SYNE1: variants seen among roughly 807,000 people sequenced by gnomAD.
SYNE1 encodes the protein nesprin-1.
In SYNE1, 616 loss-of-function variants were observed where a neutral mutation model predicts 1,111.0. The observed-to-expected ratio is 0.55, with a 90% CI of 0.52 to 0.59. SYNE1 has a LOEUF of 0.59. Ranked by LOEUF, SYNE1 falls within the 20% of genes least tolerant of loss-of-function variation. The pLI is 0.00. For synonymous variants in SYNE1, 3,855 were observed against 3,825.8 expected (o/e 1.01, Z -0.28); for missense variants, 10,006 against 10,417.0 (o/e 0.96, Z 1.72).
intron 42 of SYNE1, among the ~76,000 whole-genome samples, chr6:152,410,589 G>T (rs2098014527): frequency 6.6e-6 from 1 of 152,140 alleles, no homozygotes; most frequent in South Asian, 2.1e-4. Flanking sequence ...GCAAAAATCA[G>T]CCTGGCTTGG....
At chr6:152,257,474 T>A (rs1162654014) in intron 101 of SYNE1, among the ~76,000 whole-genome samples, 1 of 152,154 alleles carries the variant, frequency 6.6e-6, no homozygotes, top group Non-Finnish European at 1.5e-5. Context: ...GAAATTGCAG[T>A]GAGCTGAGAT....
At chr6:152,314,576 CTAAA>C (rs2095650499) in intron 87 of SYNE1, among the ~76,000 whole-genome samples, 1 of 152,134 alleles carries the variant, frequency 6.6e-6, no homozygotes, top group Non-Finnish European at 1.5e-5. Flanking sequence ...GTCCCCTCCC[CTAAA>C]TAATCAACTC....
chr6:152,517,976 C>A (rs902058054), intron 6 of SYNE1, among the ~76,000 whole-genome samples: 1 of 151,534 alleles, frequency 6.6e-6, no homozygotes, highest in Admixed American at 6.6e-5. Context: ...CAAATAAAAT[C>A]GACCAGGATG....
At chr6:152,181,652 T>C (rs2068119663) in intron 128 of SYNE1, among the ~76,000 whole-genome samples, 2 of 152,366 alleles carry the variant, frequency 1.3e-5, no homozygotes, top group South Asian at 2.1e-4. Flanking sequence ...TCATTCCCTT[T>C]ATTGCTGACT....
chr6:152,298,523 A>T (rs1239208571), intron 93 of SYNE1, among the ~76,000 whole-genome samples: 4 of 152,176 alleles, frequency 2.6e-5, no homozygotes, highest in Non-Finnish European at 4.4e-5. Flanking sequence ...AGGTAGTTAT[A>T]TAACGGAGAT....
Position 152,242,266 on chromosome 6 carries a change from T to C in SYNE1, c.19867A>G (p.Ile6623Val), listed in dbSNP as rs368088542. Residue 6623 changes from isoleucine to valine, a missense_variant, in exon 107 of 146, where the codon ATC becomes GTC. Ile to Val is a conservative substitution (Grantham distance 29, BLOSUM62 3). Coordinates refer to ENST00000367255, the MANE Select transcript of SYNE1 (RefSeq NM_182961.4). ...TTATGTTTGTCAAGTAGTTGCTGGATTTCCTCTTTGGAAGACACGATGATT... is the reference window on the plus strand; with the variant it reads ...TTATGTTTGTCAAGTAGTTGCTGGACTTCCTCTTTGGAAGACACGATGATT... ...QKIIVSSKEE[I>V]QQLLDKHKEY... The C allele has an allele frequency of 1.7e-5, 28 of 1,614,140 alleles. No homozygotes were observed. Among genetic ancestry groups the C allele is most frequent in the Non-Finnish European group, 2.4e-5 (28 of 1,180,026 alleles).
chr6:152,279,022 A>G (rs1426513875), intron 97 of SYNE1, among the ~76,000 whole-genome samples: 3 of 151,756 alleles, frequency 2.0e-5, no homozygotes, highest in Non-Finnish European at 4.4e-5. Context: ...CTCCCACCTC[A>G]GCCTTCCAAA....
At chr6:152,277,963 G>T in intron 98 of SYNE1, 126 bp downstream of exon 98, 1 of 997,196 alleles carries the variant, frequency 1.0e-6, no homozygotes, top group Non-Finnish European at 1.6e-6. Flanking sequence ...TAAAATGTCA[G>T]CGTAAAGCAG....
At chr6:152,157,288 A>C (rs1314783855) in intron 131 of SYNE1, among the ~76,000 whole-genome samples, 1 of 152,200 alleles carries the variant, frequency 6.6e-6, no homozygotes, top group African/African-American at 2.4e-5. Context: ...CATGGATGGA[A>C]CCGGAGGTCA....
At chr6:152,232,971 C>T (rs2083129857) in intron 112 of SYNE1, among the ~76,000 whole-genome samples, 1 of 152,160 alleles carries the variant, frequency 6.6e-6, no homozygotes, top group Non-Finnish European at 1.5e-5. Context: ...TAGGCATGTA[C>T]ACAAAACACA....
chr6:152,148,047 G>A lies in SYNE1; in HGVS notation c.24974C>T (p.Ser8325Leu). 1 of 1,613,656 alleles carries A rather than the reference G, an allele frequency of 6.2e-7. No homozygotes were observed. The highest frequency in any genetic ancestry group is 1.1e-5 in the South Asian group (1 of 91,058). ...DFYLRGAVGL[S>L]GDHSALESQI... ...AAACTGGAGAGGCTCTTTCCTACCT[G>A]ATAAGCCAACAGCTCCCCGGAGGTA... The change falls in exon 137 of 146, where the codon TCA (serine) becomes TTA (leucine). Residue 8325 changes from serine (S) to leucine (L), a missense_variant and splice_region_variant. Physicochemically the swap from Ser to Leu is moderately radical, Grantham distance 145 (BLOSUM62 -2). Around this residue, in one of 7 missense-constraint regions of SYNE1, gnomAD observed 761 missense variants for 795.5 expected, o/e 0.96. Coordinates refer to ENST00000367255, the MANE Select transcript of SYNE1 (RefSeq NM_182961.4). This position sits in a 1 kb window ranked among gnomAD's most constrained non-coding sequence, Gnocchi z 4.1.
At chr6:152,440,565 A>G (rs1232173443) in intron 32 of SYNE1, among the ~76,000 whole-genome samples, 1 of 110,954 alleles carries the variant, frequency 9.0e-6, no homozygotes, top group Non-Finnish European at 1.7e-5. Flanking sequence ...TATTGCCTCC[A>G]GATTTTTTTT....
At chr6:152,470,071 G>A (rs539323747) in intron 16 of SYNE1, among the ~76,000 whole-genome samples, 5 of 152,324 alleles carry the variant, frequency 3.3e-5, no homozygotes, top group African/African-American at 4.8e-5. Context: ...AGCATGCTAC[G>A]TATGTAGGAT....
Position 152,416,705 on chromosome 6 carries a change from T to A in SYNE1, c.5732A>T (p.Asp1911Val). ...ESDLIEKDLNDALQNAKALES... is the reference protein window; with the variant it reads ...ESDLIEKDLNVALQNAKALES... ...TAATGCTTTAGCATTTTGAAGAGCA[T>A]CATTGAGGTCCTTTTCTATCAAATC... is the stretch of plus-strand genomic sequence containing the variant. Residue 1911 changes from aspartate (D) to valine (V), a missense_variant, in exon 41 of 146, where the codon GAT becomes GTT. By Grantham distance (152) the Asp-to-Val change is radical. Around this residue, in one of 7 missense-constraint regions of SYNE1, gnomAD observed 4,955 missense variants for 5,017.2 expected, o/e 0.99. Coordinates refer to ENST00000367255, the MANE Select transcript of SYNE1 (RefSeq NM_182961.4). The A allele has an allele frequency of 6.2e-7, 1 of 1,614,194 alleles. No individual in the cohort carries two copies. The highest frequency in any genetic ancestry group is 1.1e-5 in the South Asian group (1 of 91,086).
intron 141 of SYNE1, among the ~76,000 whole-genome samples, chr6:152,136,176 T>C (rs970530438): frequency 2.6e-5 from 4 of 152,214 alleles, no homozygotes; most frequent in Non-Finnish European, 5.9e-5. Context: ...GCAGAGGCCA[T>C]GCTGTATTCA....
At chr6:152,244,393 A>G in intron 106 of SYNE1, 144 bp downstream of exon 106, 2 of 1,224,074 alleles carry the variant, frequency 1.6e-6, no homozygotes, top group Non-Finnish European at 2.4e-6. Flanking sequence ...GCTTCAGAAA[A>G]TTTTCTAAGA....
intron 145 of SYNE1, chr6:152,128,371 A>T (rs1412072134): frequency 6.6e-6 from 1 of 152,218 alleles, no homozygotes; most frequent in African/African-American, 2.4e-5. Context: ...ATTCTGATAT[A>T]CTGCAAGTCT....
rs2060077365 is a variant in SYNE1, at chr6:152,149,599, T to C, written c.24520A>G (p.Ile8174Val). ...EQIIAQGEQL[I>V]EKSEPLDAAI... ...GCATCCAAGGGCTCACTCTTTTCTA[T>C]CAGCTGTTCTCCTTGGGCAATTATC... Residue 8174 changes from isoleucine (I) to valine (V), a missense_variant, in exon 136 of 146, where the codon ATA becomes GTA. Coordinates refer to ENST00000367255, the MANE Select transcript of SYNE1 (RefSeq NM_182961.4). The C allele has an allele frequency of 6.2e-7, 1 of 1,614,152 alleles. No individual in the cohort carries two copies. Among genetic ancestry groups the C allele is most frequent in the Non-Finnish European group, 8.5e-7 (1 of 1,180,020 alleles).
chr6:152,481,131 T>C (rs2098893283), intron 14 of SYNE1: 4 of 220,742 alleles, frequency 1.8e-5, no homozygotes, highest in Non-Finnish European at 2.7e-5. Flanking sequence ...CAAACTGTTA[T>C]AATTAACTAG....
Sources: gnomAD v4.1 joint callset for allele counts (sites outside exome capture counted in the v4.1 genomes callset) on GRCh38, gnomAD v4.1.1 for gene constraint, gnomAD v4.1.1 regional missense constraint, Gnocchi (gnomAD v3.1) non-coding constraint, MANE v1.5 for transcripts, NCBI Gene and HGNC (gene_info 2026-07-23, HGNC 2026-07-21) for gene names.